PGM2: variants seen among roughly 807,000 people sequenced by gnomAD.
PGM2 encodes phosphopentomutase.
Under a neutral mutation model 74.6 loss-of-function variants are expected in PGM2, and 57 were observed. The observed-to-expected ratio is 0.76, with a 90% CI of 0.62 to 0.95. The LOEUF (loss-of-function observed/expected upper bound fraction) is 0.95. PGM2 is among the 40% of genes least tolerant of loss of function. PGM2 has a pLI of 0.00. For synonymous variants in PGM2, 273 were observed against 260.7 expected, an observed-to-expected ratio of 1.05 and a Z score of -0.46; for missense variants, 706 against 741.9, an observed-to-expected ratio of 0.95 and a Z score of 0.56.
intron 4 of PGM2, among the ~76,000 whole-genome samples, chr4:37,838,963 A>G (rs1010458243): frequency 1.4e-4 from 22 of 152,144 alleles, no homozygotes; most frequent in African/African-American, 4.3e-4. Context: ...TGTGTAATCA[A>G]TGTCATTTGC....
chr4:37,826,754 G>T lies in PGM2; in HGVS notation c.22G>T (p.Gly8Cys), dbSNP rs1249350394. Reference protein sequence around the residue: MAAPEGSGLGEDARLDQE... With the variant: MAAPEGSCLGEDARLDQE... ...AGCGATGGCGGCTCCAGAAGGCAGC[G>T]GTCTAGGCGAGGACGCCCGGCTGGA... is the stretch of plus-strand genomic sequence containing the variant. Residue 8 changes from glycine to cysteine, a missense_variant, in exon 1 of 14, where the codon GGT becomes TGT. Physicochemically the swap from Gly to Cys is radical, Grantham distance 159. Coordinates refer to ENST00000381967, the MANE Select transcript of PGM2 (RefSeq NM_018290.4). 1 of 1,550,018 alleles carries T rather than the reference G, an allele frequency of 6.5e-7. No homozygotes were observed. Among genetic ancestry groups the T allele is most frequent in the South Asian group, 1.2e-5 (1 of 84,052 alleles).
rs752581984 is a variant in PGM2 at position 37,861,497 on chromosome 4, C to T, written c.1737-13C>T. 1.3e-6 allele frequency: 2 copies of T among 1,574,614 alleles called. No homozygotes were observed. The highest frequency in any genetic ancestry group is 3.3e-5 in the Admixed American group (2 of 59,776). On this transcript the variant is annotated splice_polypyrimidine_tract_variant and intron_variant, in intron 13 of 13. Coordinates refer to ENST00000381967, the MANE Select transcript of PGM2 (RefSeq NM_018290.4). ...ATCCCTTGACCTGGATTTTTTTCCCCCTTATTTTCCAGTGATCCTGAGCAG... is the reference window on the plus strand; with the variant it reads ...ATCCCTTGACCTGGATTTTTTTCCCTCTTATTTTCCAGTGATCCTGAGCAG...
At chr4:37,836,267 T>G (rs1232550811) in intron 3 of PGM2, among the ~76,000 whole-genome samples, 2 of 152,176 alleles carry the variant, frequency 1.3e-5, no homozygotes, top group African/African-American at 2.4e-5. Flanking sequence ...TTTGATGGGA[T>G]GGGATGGAGT....
chr4:37,855,011 C>T (rs1726156027), intron 12 of PGM2, among the ~76,000 whole-genome samples: 1 of 152,196 alleles, frequency 6.6e-6, no homozygotes, highest in South Asian at 2.1e-4. Context: ...TGTGTTACCT[C>T]ACATATTGAT....
At chr4:37,841,584 C>T (rs562190119) in intron 6 of PGM2, among the ~76,000 whole-genome samples, 32 of 152,200 alleles carry the variant, frequency 2.1e-4, no homozygotes, top group South Asian at 6.2e-4. Context: ...GTCCCAGTTG[C>T]CAGATCATCT....
chr4:37,838,542 C>G (rs552674019), intron 4 of PGM2, among the ~76,000 whole-genome samples: 4 of 152,248 alleles, frequency 2.6e-5, no homozygotes, highest in African/African-American at 9.6e-5. Context: ...TTAGTCACAT[C>G]TAGTAGAAAT....
intron 4 of PGM2, 164 bp from the exon 5 acceptor site, chr4:37,839,684 G>A (rs753948244): frequency 4.3e-6 from 3 of 697,914 alleles, no homozygotes; most frequent in Non-Finnish European, 7.9e-6. Flanking sequence ...AATTCTAAGG[G>A]TAATTGCATA....
intron 3 of PGM2, among the ~76,000 whole-genome samples, chr4:37,836,715 A>G (rs375908988): frequency 6.6e-6 from 1 of 152,156 alleles, no homozygotes; most frequent in South Asian, 2.1e-4. Context: ...TATTTGTGGT[A>G]ACGTATTTTA....
chr4:37,827,771 C>T (rs942323881), intron 1 of PGM2, among the ~76,000 whole-genome samples: 2 of 152,104 alleles, frequency 1.3e-5, no homozygotes, highest in Non-Finnish European at 2.9e-5. Flanking sequence ...ACTTCAGGGG[C>T]GAGAGACCCC....
intron 13 of PGM2, among the ~76,000 whole-genome samples, chr4:37,859,146 A>T (rs1711671702): frequency 6.6e-6 from 1 of 152,156 alleles, no homozygotes; most frequent in South Asian, 2.1e-4. Context: ...CTCTCTCACC[A>T]TATATGTTAT....
intron 3 of PGM2, 104 bp downstream of exon 3, chr4:37,834,828 T>G (rs1198066588): frequency 5.7e-6 from 3 of 529,974 alleles, no homozygotes; most frequent in Non-Finnish European, 1.0e-5. Context: ...TTAGCCTCAT[T>G]GCTTAACTGT....
intron 7 of PGM2, 28 bp downstream of exon 7, chr4:37,844,581 A>G: frequency 2.2e-6 from 3 of 1,362,236 alleles, no homozygotes; most frequent in Non-Finnish European, 3.1e-6. Context: ...TAAATTATGA[A>G]ATCTGCTTTT....
chr4:37,856,841 G>A (rs1005587237), intron 13 of PGM2, among the ~76,000 whole-genome samples: 9 of 152,102 alleles, frequency 5.9e-5, no homozygotes, highest in Non-Finnish European at 7.4e-5. Flanking sequence ...AAAAGAAACA[G>A]GTGAAATTAA....
At position 37,861,577 on chromosome 4, in the gene PGM2, C is replaced by T; in HGVS notation, c.1804C>T (p.Pro602Ser). 6.2e-7 allele frequency: 1 copy of T among 1,612,920 alleles called. No individual in the cohort carries two copies. Among genetic ancestry groups the T allele is most frequent in the Admixed American group, 1.7e-5 (1 of 59,958 alleles). ...TGCTATTGAAGAACATTTTTTCCAG[C>T]CACAGAAGTACAATCTGCAGCCAAA... Reference protein sequence around the residue: ...VSAIEEHFFQPQKYNLQPKAD With the variant: ...VSAIEEHFFQSQKYNLQPKAD Residue 602 changes from proline to serine, a missense_variant, in exon 14 of 14, where the codon CCA becomes TCA. By Grantham distance (74) the Pro-to-Ser change is moderately conservative (BLOSUM62 -1). Around this residue, in one of 3 missense-constraint regions of PGM2, gnomAD observed 359 missense variants for 371.1 expected, o/e 0.97. Coordinates refer to ENST00000381967, the MANE Select transcript of PGM2 (RefSeq NM_018290.4).
chr4:37,861,021 A>C (rs985411712), intron 13 of PGM2, among the ~76,000 whole-genome samples: 1 of 152,104 alleles, frequency 6.6e-6, no homozygotes, highest in African/African-American at 2.4e-5. Flanking sequence ...CATTCTAGGA[A>C]GGCTTTATAG....
chr4:37,841,289 G>A (rs1222918113), intron 6 of PGM2, among the ~76,000 whole-genome samples: 5 of 151,294 alleles, frequency 3.3e-5, no homozygotes, highest in Admixed American at 6.6e-5. Context: ...CTGCTGCACC[G>A]GTGTATTTAA....
chr4:37,856,220 C>T (rs964315477), intron 13 of PGM2, among the ~76,000 whole-genome samples: 53 of 151,966 alleles, frequency 3.5e-4, no homozygotes, highest in African/African-American at 1.2e-3. Flanking sequence ...CCCGTCTCTA[C>T]TAAAAACACA....
In PGM2 at chr4:37,846,930, G is replaced by A; in HGVS notation, c.1008-1G>A. On this transcript the variant is annotated splice_acceptor_variant, in intron 8 of 13. Coordinates refer to ENST00000381967, the MANE Select transcript of PGM2 (RefSeq NM_018290.4). LOFTEE classifies it high-confidence loss of function. ...TGGTTGTTGTTTTTTTTTTCTTTCAGTGGTGAATGGAGGGTGTTTTCAGGC... is the reference window on the plus strand; with the variant it reads ...TGGTTGTTGTTTTTTTTTTCTTTCAATGGTGAATGGAGGGTGTTTTCAGGC... 6.3e-7 allele frequency: 1 copy of A among 1,590,110 alleles called. No individual in the cohort carries two copies. The highest frequency in any genetic ancestry group is 1.2e-5 in the South Asian group (1 of 86,716).
intron 11 of PGM2, among the ~76,000 whole-genome samples, chr4:37,849,250 A>AT (rs1725966747): frequency 6.6e-6 from 1 of 151,972 alleles, no homozygotes; most frequent in South Asian, 2.1e-4. Context: ...ACATCTATTC[A>AT]TTTTTTTGTA....
Sources: allele counts gnomAD v4.1 joint callset (sites outside exome capture counted in the v4.1 genomes callset), GRCh38; gene constraint gnomAD v4.1.1; regional missense constraint gnomAD v4.1.1; transcripts MANE v1.5; gene names NCBI Gene and HGNC (gene_info 2026-07-23, HGNC 2026-07-21).